Variants in CCDC3 observed in about 807,000 individuals in gnomAD.
The protein encoded by CCDC3 is coiled-coil domain-containing protein 3.
In CCDC3, 24 loss-of-function variants were observed where a neutral mutation model predicts 21.4. The observed-to-expected ratio is 1.12, with a 90% CI of 0.81 to 1.58. The LOEUF is 1.58. Ranked by LOEUF, CCDC3 falls within the 40% of genes most tolerant of loss-of-function variation. The pLI is 0.00. For missense variants in CCDC3, 425 were observed against 360.9 expected (o/e 1.18, Z -1.44); for synonymous variants, 186 against 166.0 (o/e 1.12, Z -0.93).
chr10:13,062,332 C>A (rs1367811002), intron 4 of CCDC3, among the ~76,000 whole-genome samples: 1 of 152,148 alleles, frequency 6.6e-6, no homozygotes, highest in Non-Finnish European at 1.5e-5. Context: ...AGCTTAGAGT[C>A]AACCATGTGG....
At chr10:12,928,239 C>A (rs1016417578) in intron 2 of CCDC3, among the ~76,000 whole-genome samples, 6 of 152,180 alleles carry the variant, frequency 3.9e-5, no homozygotes, top group South Asian at 4.1e-4. Flanking sequence ...CTTGTCCACA[C>A]CAGATTCAAA....
At chr10:13,086,111 G>A (rs139574898) in intron 3 of CCDC3, among the ~76,000 whole-genome samples, 1 of 152,300 alleles carries the variant, frequency 6.6e-6, no homozygotes, top group East Asian at 1.9e-4. Context: ...ATTATTTTTA[G>A]ATTGGTATAA....
intron 3 of CCDC3, among the ~76,000 whole-genome samples, chr10:13,076,190 A>G (rs1836962542): frequency 6.6e-6 from 1 of 152,254 alleles, no homozygotes; most frequent in African/African-American, 2.4e-5. Context: ...CCAAATTTCT[A>G]ACTTAGCAAA....
intron 2 of CCDC3, among the ~76,000 whole-genome samples, chr10:12,942,866 C>G (rs1834855177): frequency 6.6e-6 from 1 of 152,164 alleles, no homozygotes; most frequent in African/African-American, 2.4e-5. Flanking sequence ...AACCTTGGCT[C>G]TTAAACTCAC....
chr10:12,963,166 C>T (rs1356328919), intron 2 of CCDC3, among the ~76,000 whole-genome samples: 3 of 152,126 alleles, frequency 2.0e-5, no homozygotes, highest in South Asian at 4.2e-4. Context: ...ACACATTAAG[C>T]GATCATATTT....
chr10:13,040,254 C>T (rs1463969903), intron 5 of CCDC3, among the ~76,000 whole-genome samples: 1 of 152,102 alleles, frequency 6.6e-6, no homozygotes, highest in Non-Finnish European at 1.5e-5. Context: ...ACTGTGTCAA[C>T]CCAGATTTGC....
chr10:13,030,749 G>C (rs1370219996), intron 5 of CCDC3, among the ~76,000 whole-genome samples: 1 of 152,034 alleles, frequency 6.6e-6, no homozygotes, highest in African/African-American at 2.4e-5. Flanking sequence ...AAACAAAGAA[G>C]GCCATTAAAT....
At chr10:12,986,475 A>T (rs1835592117) in intron 2 of CCDC3, among the ~76,000 whole-genome samples, 2 of 152,228 alleles carry the variant, frequency 1.3e-5, no homozygotes, top group African/African-American at 2.4e-5. Context: ...TGAATTTTTT[A>T]AAAAAGTAAT....
At chr10:13,008,932 T>A (rs1835954868) in intron 5 of CCDC3, among the ~76,000 whole-genome samples, 1 of 152,150 alleles carries the variant, frequency 6.6e-6, no homozygotes, top group Admixed American at 6.5e-5. Flanking sequence ...GAGGTTCTAG[T>A]GCAATAATTC....
chr10:12,929,669 C>T (rs12248755), intron 2 of CCDC3, among the ~76,000 whole-genome samples: 1 of 152,192 alleles, frequency 6.6e-6, no homozygotes, highest in African/African-American at 2.4e-5. Context: ...TCCCCAGGCC[C>T]TTCCACATGG....
intron 2 of CCDC3, among the ~76,000 whole-genome samples, chr10:12,969,914 T>C (rs1055775500): frequency 6.6e-6 from 1 of 151,956 alleles, no homozygotes; most frequent in Non-Finnish European, 1.5e-5. Flanking sequence ...GTCAAACTCA[T>C]AGAAACAGAG....
At chr10:12,990,339 T>C (rs1835662772) in intron 2 of CCDC3, among the ~76,000 whole-genome samples, 1 of 152,050 alleles carries the variant, frequency 6.6e-6, no homozygotes, top group Non-Finnish European at 1.5e-5. Context: ...TACACATTGT[T>C]AATACATGCA....
chr10:13,004,135 G>A (rs892250874), upstream of CCDC3, among the ~76,000 whole-genome samples: 7 of 152,134 alleles, frequency 4.6e-5, no homozygotes, highest in Non-Finnish European at 8.8e-5. Flanking sequence ...TCTTGATTCC[G>A]AGACCTATAT....
chr10:13,027,923 C>T (rs761589926), intron 5 of CCDC3, among the ~76,000 whole-genome samples: 33 of 152,128 alleles, frequency 2.2e-4, no homozygotes, highest in Non-Finnish European at 4.0e-4. Flanking sequence ...ATCCCACATC[C>T]TATCTTCTCA....
intron 2 of CCDC3, among the ~76,000 whole-genome samples, chr10:12,916,363 C>T (rs1369874884): frequency 7.0e-6 from 1 of 143,312 alleles, no homozygotes; most frequent in African/African-American, 2.6e-5. Flanking sequence ...ACCTGGGAGG[C>T]GGAGGTTGAG....
intron 5 of CCDC3, among the ~76,000 whole-genome samples, chr10:13,048,753 G>A (rs1836565056): frequency 6.6e-6 from 1 of 151,922 alleles, no homozygotes; most frequent in South Asian, 2.1e-4. Flanking sequence ...GTCATCAATA[G>A]TATGGTGCCA....
chr10:13,056,685 G>A (rs1160369428), intron 4 of CCDC3, among the ~76,000 whole-genome samples: 1 of 152,174 alleles, frequency 6.6e-6, no homozygotes, highest in Non-Finnish European at 1.5e-5. Context: ...GCAGGGAGGT[G>A]GACTGGGTTA....
chr10:12,986,286 C>A (rs2131275875), intron 2 of CCDC3, among the ~76,000 whole-genome samples: 1 of 152,238 alleles, frequency 6.6e-6, no homozygotes, highest in African/African-American at 2.4e-5. Flanking sequence ...TGTGTAATGA[C>A]TGAATACTAA....
rs1835728421 is a variant in CCDC3 at position 12,994,421 on chromosome 10, A to AAAC, written c.549+3916_549+3917insGTT. ...TCAAAAACAAAACAAAACAAAAAAA[A>AAAC]AAAACACCCAGCACCCAGCACCCAG... On this transcript the variant is annotated intron_variant, in intron 2 of 2. Transcript: ENST00000378825. Among the ~76,000 whole-genome samples, 16 of 148,346 alleles carry AAAC rather than the reference A, an allele frequency of 1.1e-4. 1 individual carries two copies. Among genetic ancestry groups the AAAC allele is most frequent in the African/African-American group, 3.9e-4 (15 of 37,984 alleles).
Sources: gnomAD v4.1 joint callset for allele counts (sites outside exome capture counted in the v4.1 genomes callset) on GRCh38, gnomAD v4.1.1 for gene constraint, MANE v1.5 for transcripts, NCBI Gene and HGNC (gene_info 2026-07-23, HGNC 2026-07-21) for gene names.